Variants in DAND5 observed in about 807,000 individuals in gnomAD.
DAND5 encodes DAN domain family member 5.
A neutral mutation model predicts 9.2 loss-of-function variants in DAND5; 8 were observed. That is an observed-to-expected ratio of 0.87 (90% CI 0.51 to 1.56). The LOEUF (loss-of-function observed/expected upper bound fraction) is 1.56, where lower values mean the gene tolerates loss of function less well. Among genes scored for constraint, DAND5 ranks in the 40% most tolerant of loss-of-function variants. DAND5 has a pLI of 0.00. For missense variants in DAND5, 244 were observed against 244.7 expected, an observed-to-expected ratio of 1.00 and a Z score of 0.02; for synonymous variants, 95 against 101.1, an observed-to-expected ratio of 0.94 and a Z score of 0.36.
chr19:12,973,579 G>C lies in DAND5; in HGVS notation c.515G>C (p.Arg172Pro). 1 of 1,614,086 alleles carries C rather than the reference G, an allele frequency of 6.2e-7. No individual in the cohort carries two copies. Among genetic ancestry groups the C allele is most frequent in the Non-Finnish European group, 8.5e-7 (1 of 1,180,022 alleles). ...ACTGGCAGCTCAGCCTCCCGTCGACGGGTGAAGATATCCACCATGCTGATC... is the reference window on the plus strand; with the variant it reads ...ACTGGCAGCTCAGCCTCCCGTCGACCGGTGAAGATATCCACCATGCTGATC... ...CLTGSSASRRRVKISTMLIEG... is the reference protein window; with the variant it reads ...CLTGSSASRRPVKISTMLIEG... The change falls in exon 2 of 2, where the codon CGG becomes CCG. Residue 172 changes from arginine to proline, a missense_variant. Coordinates refer to ENST00000317060, the MANE Select transcript of DAND5 (RefSeq NM_152654.3).
At chr19:12,971,954 G>A (rs562043150) in intron 1 of DAND5, among the ~76,000 whole-genome samples, 1 of 151,358 alleles carries the variant, frequency 6.6e-6, no homozygotes, top group African/African-American at 2.4e-5. Context: ...ACAGTGGTGC[G>A]ATCATAGCTC....
chr19:12,971,195 G>A (rs2011144091), intron 1 of DAND5, among the ~76,000 whole-genome samples: 1 of 152,086 alleles, frequency 6.6e-6, no homozygotes, highest in Admixed American at 6.6e-5. Context: ...GTGCTAGTTG[G>A]CTTCCTACTG....
At chr19:12,973,099 T>C (rs1342998200) in intron 1 of DAND5, among the ~76,000 whole-genome samples, 1 of 152,014 alleles carries the variant, frequency 6.6e-6, no homozygotes, top group Non-Finnish European at 1.5e-5. Context: ...GCTGACCTCG[T>C]GATCCGCCCG....
chr19:12,970,578 T>TTCTTTCTTTCTTTCTTTTTC (rs1317331092), intron 1 of DAND5: 1 of 486,124 alleles, frequency 2.1e-6, no homozygotes, highest in East Asian at 3.3e-5. Flanking sequence ...TTTCTTTCTT[T>TTCTTTCTTTCTTTCTTTTTC]TCTTTCTTTC....
Position 12,973,730 on chromosome 19 carries a change from G to A in DAND5, c.*96G>A. 1 of 1,538,814 alleles carries A rather than the reference G, an allele frequency of 6.5e-7. No homozygotes were observed. Among genetic ancestry groups the A allele is most frequent in the Non-Finnish European group, 8.7e-7 (1 of 1,144,468 alleles). On this transcript the variant is annotated 3_prime_UTR_variant, in exon 2 of 2. Transcript: ENST00000317060. ...CGTGGACCTGGATGATGTACTCTGGGTCAAGAGACCAGGGATGCAGGGTTA... is the reference window on the plus strand; with the variant it reads ...CGTGGACCTGGATGATGTACTCTGGATCAAGAGACCAGGGATGCAGGGTTA...
intron 1 of DAND5, among the ~76,000 whole-genome samples, chr19:12,971,011 A>C (rs2011143542): frequency 6.6e-6 from 1 of 152,118 alleles, no homozygotes; most frequent in South Asian, 2.1e-4. Flanking sequence ...AAGATGGCTC[A>C]GGATTTAAGC....
chr19:12,971,572 C>T (rs773947676), intron 1 of DAND5, among the ~76,000 whole-genome samples: 2 of 151,816 alleles, frequency 1.3e-5, no homozygotes, highest in African/African-American at 2.4e-5. Flanking sequence ...CCACTGCACC[C>T]GGCCTTCTTT....
At chr19:12,972,286 C>T (rs1416859755) in intron 1 of DAND5, among the ~76,000 whole-genome samples, 1 of 151,812 alleles carries the variant, frequency 6.6e-6, no homozygotes, top group Non-Finnish European at 1.5e-5. Flanking sequence ...GTCTCGATCT[C>T]CTGACTTCGT....
intron 1 of DAND5, chr19:12,970,454 C>G (rs763967293): frequency 1.4e-6 from 1 of 701,968 alleles, no homozygotes; most frequent in Admixed American, 2.0e-5. Flanking sequence ...TTTTTAGACA[C>G]GGGAGTCTCG....
chr19:12,973,002 A>C (rs1481030506), intron 1 of DAND5, among the ~76,000 whole-genome samples: 3 of 150,904 alleles, frequency 2.0e-5, no homozygotes, highest in Non-Finnish European at 4.4e-5. Flanking sequence ...AGCTGGGACT[A>C]CAGGCGCCCA....
chr19:12,973,027 T>C (rs1477995665), intron 1 of DAND5, among the ~76,000 whole-genome samples: 1 of 150,334 alleles, frequency 6.7e-6, no homozygotes, highest in African/African-American at 2.4e-5. Context: ...CACGCCCGGC[T>C]CATTTTTTGT....
chr19:12,973,687 G>A lies in DAND5; in HGVS notation c.*53G>A. 3 of 1,581,756 alleles carry A rather than the reference G, an allele frequency of 1.9e-6. No homozygotes were observed. The highest frequency in any genetic ancestry group is 1.3e-5 in the African/African-American group (1 of 74,648). On this transcript the variant is annotated 3_prime_UTR_variant, in exon 2 of 2. Coordinates refer to ENST00000317060, the MANE Select transcript of DAND5 (RefSeq NM_152654.3). ...GACACGCACCTTGGAGAAATGAGGG[G>A]AGATGGACCAAGAAAGACGTGGACC...
chr19:12,973,020 G>A (rs1048715634), intron 1 of DAND5, among the ~76,000 whole-genome samples: 44 of 151,086 alleles, frequency 2.9e-4, no homozygotes, highest in Admixed American at 2.0e-4. Flanking sequence ...CCACCACCAC[G>A]CCCGGCTCAT....
At position 12,973,584 on chromosome 19, in the gene DAND5, A is replaced by C. The variant is rs749429365; in HGVS notation, c.520A>C (p.Lys174Gln). Reference sequence around the variant, plus strand: ...CAGCTCAGCCTCCCGTCGACGGGTGAAGATATCCACCATGCTGATCGAGGG... The same window carrying C: ...CAGCTCAGCCTCCCGTCGACGGGTGCAGATATCCACCATGCTGATCGAGGG... ...TGSSASRRRV[K>Q]ISTMLIEGCH... Residue 174 changes from lysine (K) to glutamine (Q), a missense_variant, in exon 2 of 2, where the codon AAG becomes CAG. Coordinates refer to ENST00000317060, the MANE Select transcript of DAND5 (RefSeq NM_152654.3). The C allele has an allele frequency of 3.1e-6, 5 of 1,614,128 alleles. No individual in the cohort carries two copies. The highest frequency in any genetic ancestry group is 3.4e-6 in the Non-Finnish European group (4 of 1,180,036).
At chr19:12,972,783 C>T (rs994763224) in intron 1 of DAND5, among the ~76,000 whole-genome samples, 3 of 151,672 alleles carry the variant, frequency 2.0e-5, no homozygotes, top group East Asian at 1.9e-4. Flanking sequence ...TGAAGTGATC[C>T]GCCCACCTCA....
intron 1 of DAND5, among the ~76,000 whole-genome samples, chr19:12,973,109 G>C (rs961763702): frequency 6.6e-6 from 1 of 151,724 alleles, no homozygotes; most frequent in South Asian, 2.1e-4. Flanking sequence ...TGATCCGCCC[G>C]CCTTGGCCTC....
Position 12,969,623 on chromosome 19 carries a change from GGACAGACA to G in DAND5, c.-32_-25del. On this transcript the variant is annotated 5_prime_UTR_variant, in exon 1 of 2. Transcript: ENST00000317060. ...CTGCTAGTGACCTTGAGCCCAGTCC[GGACAGACA>G]GACAGGCAGACAGACGCACGGACAA... The G allele has an allele frequency of 1.3e-6, 2 of 1,561,626 alleles. No individual in the cohort carries two copies. The highest frequency in any genetic ancestry group is 1.7e-6 in the Non-Finnish European group (2 of 1,157,132).
intron 1 of DAND5, among the ~76,000 whole-genome samples, chr19:12,972,441 T>A (rs2011150114): frequency 6.6e-6 from 1 of 152,028 alleles, no homozygotes; most frequent in African/African-American, 2.4e-5. Context: ...AGCCACCACA[T>A]CCCGCCCTTG....
rs2011164484 is a variant in DAND5 at position 12,974,716 on chromosome 19, A to C, written c.*1082A>C. On this transcript the variant is annotated 3_prime_UTR_variant, in exon 2 of 2. Transcript: ENST00000317060. ...GTCTCCACAGAGCCCCACGCCTGGCATGGCATTCCACAGAAACCATAAAGG... is the reference window on the plus strand; with the variant it reads ...GTCTCCACAGAGCCCCACGCCTGGCCTGGCATTCCACAGAAACCATAAAGG... The C allele has an allele frequency of 2.6e-5, 4 of 152,570 alleles. No homozygotes were observed. The highest frequency in any genetic ancestry group is 2.6e-4 in the Admixed American group (4 of 15,272). The allele number at this position is 152,570 out of a possible 1,614,324, so 9.5% of individuals were successfully genotyped here.
Sources: allele counts gnomAD v4.1 joint callset (sites outside exome capture counted in the v4.1 genomes callset), GRCh38; gene constraint gnomAD v4.1.1; transcripts MANE v1.5; gene names NCBI Gene and HGNC (gene_info 2026-07-23, HGNC 2026-07-21).